SLC25A43: variants seen among roughly 807,000 people sequenced by gnomAD.
SLC25A43 encodes solute carrier family 25 member 43.
SLC25A43 carries 10 observed loss-of-function variants against 22.8 expected under a neutral mutation model. That is an observed-to-expected ratio of 0.44 (90% CI 0.27 to 0.74). The LOEUF (loss-of-function observed/expected upper bound fraction) is 0.74. Ranked by LOEUF, SLC25A43 falls within the 30% of genes least tolerant of loss-of-function variation. The pLI is 0.17. For missense variants in SLC25A43, 233 were observed against 279.1 expected, an observed-to-expected ratio of 0.83 and a Z score of 1.18; for synonymous variants, 106 against 121.6, an observed-to-expected ratio of 0.87 and a Z score of 0.84.
chrX:119,399,361 C>G lies in SLC25A43; in HGVS notation c.-43C>G. On this transcript the variant is annotated 5_prime_UTR_variant, in exon 1 of 5. Coordinates refer to ENST00000217909, the MANE Select transcript of SLC25A43 (RefSeq NM_145305.3). ...ACCTCCGCCCGTGGCCGGAGAGCCC[C>G]AGGCCCGAGCCACGCGGTCTTCCGG... 1.1e-6 allele frequency: 1 copy of G among 935,612 alleles called. No individual in the cohort carries two copies. The highest frequency in any genetic ancestry group is 4.3e-5 in the South Asian group (1 of 23,427). The allele number at this position is 935,612 out of a possible 1,213,427, so 77.1% of individuals were successfully genotyped here. A position where few individuals can be genotyped will look rare whatever the true frequency, so the allele number is the denominator to read the frequency against.
rs2052297844 is a variant in SLC25A43, at chrX:119,406,529, C to T, written c.345C>T (p.Leu115=). ...GGAGCTCCATCATGGCTGGGAGTCT[C>T]GCAGGCATGGTTTCCACCATTGTAA... ...SQWSSIMAGS[L]AGMVSTIVTY... is the part of the protein sequence containing the mutation. The change falls in exon 2 of 5, where the codon CTC becomes CTT. Residue 115 remains leucine (L), a synonymous_variant. Transcript: ENST00000217909. 8.3e-7 allele frequency: 1 copy of T among 1,209,432 alleles called. No homozygotes were observed. Among genetic ancestry groups the T allele is most frequent in the African/African-American group, 1.8e-5 (1 of 56,967 alleles).
intron 3 of SLC25A43, among the ~76,000 whole-genome samples, chrX:119,443,764 G>A (rs1268279215): frequency 4.7e-5 from 5 of 107,351 alleles, no homozygotes; most frequent in African/African-American, 6.8e-5. Flanking sequence ...TTATTTTTTT[G>A]AAACAGGGTT....
chrX:119,452,043 T>G lies in SLC25A43; in HGVS notation c.725T>G (p.Val242Gly), dbSNP rs766834846. 9 of 1,207,364 alleles carry G rather than the reference T, an allele frequency of 7.5e-6. No homozygotes were observed. The highest frequency in any genetic ancestry group is 1.8e-5 in the African/African-American group (1 of 56,584). ...QSPYLPHSGG[V>G]DVHFSGAVDC... ...CCCTACCTCCCACACAGTGGAGGAG[T>G]AGATGTCCATTTCTCAGGAGCAGTG... is the stretch of plus-strand genomic sequence containing the variant. The change falls in exon 4 of 5, where the codon GTA becomes GGA. Residue 242 changes from valine to glycine, a missense_variant. Transcript: ENST00000217909.
Position 119,453,088 on chromosome X carries a change from A to G in SLC25A43, c.*23A>G. ...TAAAATGGAATGGAACTAGAAGTGC[A>G]CTGACTGACAGCATGTTGCAATCAC... is the stretch of plus-strand genomic sequence containing the variant. On this transcript the variant is annotated 3_prime_UTR_variant, in exon 5 of 5. Transcript: ENST00000217909. The G allele has an allele frequency of 8.8e-7, 1 of 1,139,573 alleles. No homozygotes were observed. Among genetic ancestry groups the G allele is most frequent in the Non-Finnish European group, 1.2e-6 (1 of 830,625 alleles). The allele number at this position is 1,139,573 out of a possible 1,213,427, so 93.9% of individuals were successfully genotyped here.
chrX:119,402,705 CT>C (rs2052249545), intron 1 of SLC25A43, among the ~76,000 whole-genome samples: 1 of 111,099 alleles, frequency 9.0e-6, no homozygotes, highest in South Asian at 3.9e-4. Context: ...CTGGAAAAAG[CT>C]TCTGTGCATG....
intron 3 of SLC25A43, among the ~76,000 whole-genome samples, chrX:119,416,809 TC>T (rs1446910120): frequency 8.9e-6 from 1 of 112,538 alleles, no homozygotes; most frequent in African/African-American, 3.2e-5. Context: ...AACAGCAATT[TC>T]ATCTGGTTCA....
chrX:119,427,682 T>C (rs759931444), intron 3 of SLC25A43, among the ~76,000 whole-genome samples: 2 of 111,822 alleles, frequency 1.8e-5, no homozygotes, highest in Non-Finnish European at 3.8e-5. Context: ...CCCCCACATA[T>C]ATGTCCTCAG....
chrX:119,403,477 A>T (rs192129600), intron 1 of SLC25A43, among the ~76,000 whole-genome samples: 64 of 110,917 alleles, frequency 5.8e-4, no homozygotes, highest in African/African-American at 2.0e-3. Context: ...TTCAGTAGAG[A>T]CGGGGTTTCA....
chrX:119,416,499 G>A (rs188461530), intron 3 of SLC25A43, among the ~76,000 whole-genome samples: 3 of 112,589 alleles, frequency 2.7e-5, no homozygotes, highest in African/African-American at 6.4e-5. Context: ...GATTACAGGC[G>A]TGAGCCACCG....
intron 2 of SLC25A43, among the ~76,000 whole-genome samples, chrX:119,407,191 C>T (rs2052306094): frequency 8.9e-6 from 1 of 111,801 alleles, no homozygotes; most frequent in South Asian, 3.8e-4. Context: ...CTTCCAGGAC[C>T]CCTCCAAGTC....
chrX:119,421,811 A>G (rs760080107), intron 3 of SLC25A43, among the ~76,000 whole-genome samples: 36 of 112,144 alleles, frequency 3.2e-4, no homozygotes, highest in South Asian at 3.0e-3. Context: ...TTAACTAACA[A>G]TCTACTCAGT....
At position 119,410,321 on chromosome X, in the gene SLC25A43, A is replaced by G. The variant is rs2052338617; in HGVS notation, c.649A>G (p.Thr217Ala). 1 of 1,208,205 alleles carries G rather than the reference A, an allele frequency of 8.3e-7. No homozygotes were observed. Among genetic ancestry groups the G allele is most frequent in the South Asian group, 1.8e-5 (1 of 56,633 alleles). ...NVCLAAAVTQ[T>A]LSFPFETVKR... is the part of the protein sequence containing the mutation. ...CTGTCTGGCTGCTGCAGTGACCCAG[A>G]CCCTCTCCTTTCCCTTTGAGACCGT... Residue 217 changes from threonine to alanine, a missense_variant, in exon 3 of 5, where the codon ACC becomes GCC. Thr to Ala is a moderately conservative substitution (Grantham distance 58). Coordinates refer to ENST00000217909, the MANE Select transcript of SLC25A43 (RefSeq NM_145305.3).
chrX:119,419,488 T>C (rs1269807777), intron 3 of SLC25A43, among the ~76,000 whole-genome samples: 9 of 111,608 alleles, frequency 8.1e-5, no homozygotes, highest in African/African-American at 2.9e-4. Context: ...CAAATAGAGA[T>C]GCTCGACACC....
At chrX:119,402,696 T>C (rs1272716466) in intron 1 of SLC25A43, among the ~76,000 whole-genome samples, 4 of 111,122 alleles carry the variant, frequency 3.6e-5, no homozygotes, top group Non-Finnish European at 7.5e-5. Context: ...CCAGTCTCAC[T>C]GGAAAAAGCT....
intron 3 of SLC25A43, among the ~76,000 whole-genome samples, chrX:119,427,368 C>T (rs1393784250): frequency 9.8e-5 from 11 of 112,097 alleles, no homozygotes; most frequent in Non-Finnish European, 2.1e-4. Flanking sequence ...AGCAGCTAGT[C>T]AACCCTCTAG....
rs2043421456 is a variant in SLC25A43 at position 119,454,351 on chromosome X, T to C, written c.*1286T>C. 8.9e-6 allele frequency: 1 copy of C among 112,586 alleles called. No individual in the cohort carries two copies. The highest frequency in any genetic ancestry group is 3.2e-5 in the African/African-American group (1 of 30,964). The allele number at this position is 112,586 out of a possible 1,213,427, so 9.3% of individuals were successfully genotyped here. A position where few individuals can be genotyped will look rare whatever the true frequency, so the allele number is the denominator to read the frequency against. On this transcript the variant is annotated 3_prime_UTR_variant, in exon 5 of 5. Transcript: ENST00000217909. ...TTGTCAAATAGCACCTATCTATGCA[T>C]TTAAAAATGCATTAATATCTAACAT...
chrX:119,434,030 TGTA>T, intron 3 of SLC25A43, among the ~76,000 whole-genome samples: 1 of 111,459 alleles, frequency 9.0e-6, no homozygotes, highest in Middle Eastern at 4.6e-3. Flanking sequence ...TAGTAACAGT[TGTA>T]GTAGTGTGGG....
intron 1 of SLC25A43, among the ~76,000 whole-genome samples, chrX:119,400,574 C>T (rs928203749): frequency 8.9e-6 from 1 of 112,020 alleles, no homozygotes; most frequent in Non-Finnish European, 1.9e-5. Context: ...GACAAACAGC[C>T]CACATTTGGG....
intron 3 of SLC25A43, among the ~76,000 whole-genome samples, chrX:119,421,063 G>C (rs1215191229): frequency 1.1e-5 from 1 of 93,839 alleles, no homozygotes; most frequent in Non-Finnish European, 2.0e-5. Context: ...AGTGAGTTGA[G>C]ATTGTGCCAC....
Sources: allele counts gnomAD v4.1 joint callset (sites outside exome capture counted in the v4.1 genomes callset), GRCh38; gene constraint gnomAD v4.1.1; transcripts MANE v1.5; gene names NCBI Gene and HGNC (gene_info 2026-07-23, HGNC 2026-07-21).